Variants in PHACTR1 observed in about 807,000 individuals in gnomAD.
PHACTR1 encodes RPEL repeat containing 1.
Under a neutral mutation model 69.2 loss-of-function variants are expected in PHACTR1, and 16 were observed. The ratio of observed to expected loss-of-function variants is 0.23; its 90% CI spans 0.16 to 0.35. PHACTR1 has a LOEUF of 0.35. PHACTR1 is among the 10% of genes least tolerant of loss of function. The probability of loss-of-function intolerance (pLI) is 1.00; values close to 1 mark genes in which losing one functional copy is unlikely to be tolerated. For missense variants in PHACTR1, 510 were observed against 734.7 expected (o/e 0.69, Z 3.54); for synonymous variants, 312 against 284.5 (o/e 1.10, Z -0.97).
intron 3 of PHACTR1, among the ~76,000 whole-genome samples, chr6:12,734,823 T>C (rs547301054): frequency 1.3e-3 from 202 of 152,214 alleles, no homozygotes; most frequent in Non-Finnish European, 2.5e-3. Flanking sequence ...TGTCATTTAA[T>C]TTTTGTTTTC....
At chr6:13,255,885 C>A (rs1775119840) in intron 10 of PHACTR1, among the ~76,000 whole-genome samples, 1 of 152,212 alleles carries the variant, frequency 6.6e-6, no homozygotes, top group South Asian at 2.1e-4. Flanking sequence ...GCCAGTGGAT[C>A]TTCTGGGGCC....
At chr6:12,975,593 T>G (rs920297483) in intron 4 of PHACTR1, among the ~76,000 whole-genome samples, 2 of 152,170 alleles carry the variant, frequency 1.3e-5, no homozygotes, top group East Asian at 3.8e-4. Context: ...CTTTCTTTTC[T>G]TTTATGAGAC....
At chr6:13,021,583 A>G (rs1441758602) in intron 4 of PHACTR1, among the ~76,000 whole-genome samples, 4 of 152,158 alleles carry the variant, frequency 2.6e-5, no homozygotes, top group South Asian at 2.1e-4. Context: ...ATGTTTAACC[A>G]TTTGAGGGTC....
intron 4 of PHACTR1, among the ~76,000 whole-genome samples, chr6:12,849,200 G>A (rs929594183): frequency 1.3e-5 from 2 of 152,166 alleles, no homozygotes; most frequent in African/African-American, 2.4e-5. Flanking sequence ...GTGAAAGAAT[G>A]AGCCAATTAG....
intron 4 of PHACTR1, among the ~76,000 whole-genome samples, chr6:12,889,268 C>A (rs1338263986): frequency 6.6e-6 from 1 of 152,124 alleles, no homozygotes; most frequent in Non-Finnish European, 1.5e-5. Context: ...GAGACCCAAT[C>A]TCAAAAACAC....
intron 4 of PHACTR1, among the ~76,000 whole-genome samples, chr6:12,815,318 A>G (rs116500098): frequency 0.012 from 1,812 of 152,250 alleles, 39 homozygotes; most frequent in African/African-American, 0.042. Context: ...CCTCCCCAGT[A>G]TCAAATTTGC....
chr6:12,795,898 C>T (rs1772937524), intron 4 of PHACTR1, among the ~76,000 whole-genome samples: 1 of 151,920 alleles, frequency 6.6e-6, no homozygotes, highest in African/African-American at 2.4e-5. Flanking sequence ...AGAATCAATT[C>T]CTTTTCTTAA....
chr6:12,792,840 C>CTT lies in PHACTR1; in HGVS notation c.250+43067_250+43068dup, dbSNP rs58524663. 4.6e-3 allele frequency among the ~76,000 whole-genome samples: 553 copies of CTT among 120,328 alleles called. 5 individuals carry two copies. Among genetic ancestry groups the CTT allele is most frequent in the African/African-American group, 5.6e-3 (180 of 32,264 alleles). The allele number at this position is 120,328 out of a possible 152,430, so 78.9% of individuals were successfully genotyped here. ...ACTATGTTTGTGCTTTAAAGAGAAG[C>CTT]TTTTTTTTTTTTTTTTTTGGAATAA... On this transcript the variant is annotated intron_variant, in intron 4 of 14. Coordinates refer to ENST00000332995, the MANE Select transcript of PHACTR1 (RefSeq NM_030948.6).
At chr6:13,006,270 G>T (rs139086527) in intron 4 of PHACTR1, among the ~76,000 whole-genome samples, 1 of 152,316 alleles carries the variant, frequency 6.6e-6, no homozygotes, top group East Asian at 1.9e-4. Flanking sequence ...CCTGTAGTCC[G>T]ATAACCTTTC....
At chr6:13,082,216 C>T (rs905684589) in intron 5 of PHACTR1, among the ~76,000 whole-genome samples, 4 of 152,106 alleles carry the variant, frequency 2.6e-5, no homozygotes, top group Non-Finnish European at 5.9e-5. Context: ...ATGCTGGTCT[C>T]TGTATGTTTC....
intron 14 of PHACTR1, among the ~76,000 whole-genome samples, chr6:13,286,772 A>G (rs562804164): frequency 6.6e-6 from 1 of 152,380 alleles, no homozygotes; most frequent in Admixed American, 6.5e-5. Context: ...GGGAACATTT[A>G]GAGAAATAGG....
At chr6:13,113,210 C>CA (rs987071588) in intron 5 of PHACTR1, among the ~76,000 whole-genome samples, 26 of 147,430 alleles carry the variant, frequency 1.8e-4, no homozygotes, top group African/African-American at 5.6e-4. Flanking sequence ...CAAAACAAAA[C>CA]AAAAAAAACT....
intron 5 of PHACTR1, among the ~76,000 whole-genome samples, chr6:13,134,705 T>G (rs1034838009): frequency 2.7e-5 from 4 of 150,826 alleles, no homozygotes; most frequent in East Asian, 3.9e-4. Flanking sequence ...CTTGTTCACA[T>G]GTTTATCTGC....
chr6:12,963,124 C>T (rs1050313666), intron 4 of PHACTR1, among the ~76,000 whole-genome samples: 2 of 152,206 alleles, frequency 1.3e-5, no homozygotes, highest in African/African-American at 4.8e-5. Context: ...GAGAAAGAGA[C>T]AGGAAGTCCA....
intron 4 of PHACTR1, among the ~76,000 whole-genome samples, chr6:12,930,608 T>C (rs1460272747): frequency 6.6e-6 from 1 of 152,188 alleles, no homozygotes; most frequent in Non-Finnish European, 1.5e-5. Context: ...TCCAAGACTC[T>C]AACTGGTTGG....
intron 4 of PHACTR1, among the ~76,000 whole-genome samples, chr6:12,981,109 T>A (rs1013852676): frequency 1.3e-5 from 2 of 152,244 alleles, no homozygotes; most frequent in African/African-American, 4.8e-5. Flanking sequence ...CCTGCAACAT[T>A]GCATTTAATC....
At chr6:12,781,264 G>A (rs919387296) in intron 4 of PHACTR1, among the ~76,000 whole-genome samples, 1 of 152,142 alleles carries the variant, frequency 6.6e-6, no homozygotes, top group Non-Finnish European at 1.5e-5. Context: ...TGGCTTCACT[G>A]TGAGTCCCCT....
chr6:12,958,040 A>G (rs1792122737), intron 4 of PHACTR1: 2 of 983,446 alleles, frequency 2.0e-6, no homozygotes, highest in South Asian at 9.4e-5. Context: ...CCTTTAAGGT[A>G]GGCATTGGCG....
chr6:13,200,738 A>G (rs1395834247), intron 7 of PHACTR1, among the ~76,000 whole-genome samples: 1 of 151,820 alleles, frequency 6.6e-6, no homozygotes, highest in African/African-American at 2.4e-5. Context: ...GTTTGAGACC[A>G]GCCTGGCCAA....
Sources: gnomAD v4.1 joint callset for allele counts (sites outside exome capture counted in the v4.1 genomes callset) on GRCh38, gnomAD v4.1.1 for gene constraint, MANE v1.5 for transcripts, NCBI Gene and HGNC (gene_info 2026-07-23, HGNC 2026-07-21) for gene names.